Variants in KCTD8 observed in about 807,000 individuals in gnomAD.
KCTD8 encodes BTB/POZ domain-containing protein KCTD8.
Under a neutral mutation model 31.5 loss-of-function variants are expected in KCTD8, and 27 were observed. That is an observed-to-expected ratio of 0.86 (90% CI 0.63 to 1.18). KCTD8 has a LOEUF of 1.18. Among genes scored for constraint, KCTD8 ranks in the 50% most tolerant of loss-of-function variants. The pLI, the probability that KCTD8 is intolerant of heterozygous loss-of-function variation, is 0.00. For synonymous variants in KCTD8, 290 were observed against 280.0 expected (o/e 1.04, Z -0.36); for missense variants, 658 against 647.7 (o/e 1.02, Z -0.17).
At chr4:44,408,693 A>G (rs1020140651) in intron 1 of KCTD8, among the ~76,000 whole-genome samples, 3 of 152,086 alleles carry the variant, frequency 2.0e-5, no homozygotes, top group African/African-American at 7.2e-5. Flanking sequence ...ATTTCAGCAC[A>G]CTGCAACCTC....
intron 1 of KCTD8, among the ~76,000 whole-genome samples, chr4:44,335,433 C>T (rs764104467): frequency 2.0e-5 from 3 of 151,784 alleles, no homozygotes; most frequent in Non-Finnish European, 2.9e-5. Context: ...AACAAACCTC[C>T]ACATGTACTT....
At chr4:44,241,769 AG>A in intron 1 of KCTD8, among the ~76,000 whole-genome samples, 1 of 152,322 alleles carries the variant, frequency 6.6e-6, no homozygotes, top group South Asian at 2.1e-4. Context: ...CCAGATCCCT[AG>A]TAAAATGTCA....
At chr4:44,198,933 C>CT (rs1412217379) in intron 1 of KCTD8, among the ~76,000 whole-genome samples, 18 of 151,916 alleles carry the variant, frequency 1.2e-4, no homozygotes, top group African/African-American at 4.4e-4. Flanking sequence ...AATGACGACT[C>CT]TAAGTAAAGA....
rs531349632 is a variant in KCTD8 at position 44,250,185 on chromosome 4, AG to A, written c.962-74936del. 8.6e-4 allele frequency among the ~76,000 whole-genome samples: 130 copies of A among 151,904 alleles called. 1 individual carries two copies. Among genetic ancestry groups the A allele is most frequent in the Non-Finnish European group, 1.3e-3 (90 of 67,796 alleles). ...TAGGCTCTTAGAAGTGAATATTTAT[AG>A]TATGTGTATCTCCAATTTTACTGTT... On this transcript the variant is annotated intron_variant, in intron 1 of 1. Coordinates refer to ENST00000360029, the MANE Select transcript of KCTD8 (RefSeq NM_198353.3).
At chr4:44,278,202 C>T (rs1426697528) in intron 1 of KCTD8, among the ~76,000 whole-genome samples, 1 of 151,916 alleles carries the variant, frequency 6.6e-6, no homozygotes, top group African/African-American at 2.4e-5. Context: ...TAGCTGGAAA[C>T]CTTAGGAAAG....
At chr4:44,367,710 A>C (rs1577639298) in intron 1 of KCTD8, among the ~76,000 whole-genome samples, 2 of 152,288 alleles carry the variant, frequency 1.3e-5, no homozygotes, top group East Asian at 3.9e-4. Context: ...GCTGACTTTC[A>C]GTTTGATGAT....
chr4:44,435,188 G>A (rs16856931), intron 1 of KCTD8, among the ~76,000 whole-genome samples: 28,114 of 151,854 alleles, frequency 0.19, 2,776 homozygotes, highest in Non-Finnish European at 0.21. Context: ...ATTCAACTGA[G>A]ATGCTAAAAA....
intron 1 of KCTD8, among the ~76,000 whole-genome samples, chr4:44,185,939 G>GAAGTGCTGGGAGGAA (rs1297322810): frequency 6.6e-6 from 1 of 152,128 alleles, no homozygotes; most frequent in African/African-American, 2.4e-5. Flanking sequence ...GCGGGACAGG[G>GAAGTGCTGGGAGGAA]AAGTGCTGGG....
chr4:44,441,229 T>C (rs4419508), intron 1 of KCTD8, among the ~76,000 whole-genome samples: 28,125 of 127,890 alleles, frequency 0.22, 2,778 homozygotes, highest in Non-Finnish European at 0.26. Context: ...TGCAGACTCA[T>C]ACTACTACTA....
At chr4:44,409,696 G>A (rs1309535141) in intron 1 of KCTD8, among the ~76,000 whole-genome samples, 3 of 151,066 alleles carry the variant, frequency 2.0e-5, no homozygotes, top group African/African-American at 4.9e-5. Context: ...TTAAGAATCT[G>A]CAGAAAAAAA....
At chr4:44,305,493 CAA>C (rs1433633401) in intron 1 of KCTD8, among the ~76,000 whole-genome samples, 2 of 151,524 alleles carry the variant, frequency 1.3e-5, no homozygotes, top group Admixed American at 1.3e-4. Flanking sequence ...CTTTATTAAA[CAA>C]ACTCACCAGG....
rs1423522212 is a variant in KCTD8, at chr4:44,382,138, A to C, written c.961+65425T>G. Among the ~76,000 whole-genome samples, 3 of 152,010 alleles carry C rather than the reference A, an allele frequency of 2.0e-5. No homozygotes were observed. In the East Asian group the frequency reaches 5.8e-4, roughly 30 times the overall value. ...TAATATAATACTATTTGGGAACTAC[A>C]ATACCCCACTCTCCACTCTCCACAT... On this transcript the variant is annotated intron_variant, in intron 1 of 1. Coordinates refer to ENST00000360029, the MANE Select transcript of KCTD8 (RefSeq NM_198353.3).
chr4:44,384,382 A>C (rs1425152624), intron 1 of KCTD8, among the ~76,000 whole-genome samples: 2 of 151,950 alleles, frequency 1.3e-5, no homozygotes, highest in Non-Finnish European at 2.9e-5. Context: ...AATAGCCAAA[A>C]TATGGAGTCA....
At chr4:44,323,767 A>T (rs1284454556) in intron 1 of KCTD8, among the ~76,000 whole-genome samples, 1 of 152,072 alleles carries the variant, frequency 6.6e-6, no homozygotes, top group East Asian at 1.9e-4. Context: ...TCTGTTAATA[A>T]GAAATAAGTT....
chr4:44,393,869 C>G (rs1425475229), intron 1 of KCTD8, among the ~76,000 whole-genome samples: 1 of 151,432 alleles, frequency 6.6e-6, no homozygotes, highest in African/African-American at 2.4e-5. Flanking sequence ...TTTGCCATTG[C>G]ACTATATGAT....
intron 1 of KCTD8, among the ~76,000 whole-genome samples, chr4:44,278,182 G>A (rs913155266): frequency 6.6e-6 from 1 of 151,930 alleles, no homozygotes; most frequent in Admixed American, 6.6e-5. Context: ...CAAATCCACT[G>A]AAGAGGCAAT....
intron 1 of KCTD8, among the ~76,000 whole-genome samples, chr4:44,362,119 C>T (rs1057385643): frequency 2.0e-5 from 3 of 151,884 alleles, no homozygotes; most frequent in South Asian, 2.1e-4. Flanking sequence ...TAGAGGTGAA[C>T]GTACAGAAAC....
At chr4:44,444,992 T>C (rs1721905841) in intron 1 of KCTD8, among the ~76,000 whole-genome samples, 1 of 152,212 alleles carries the variant, frequency 6.6e-6, no homozygotes, top group South Asian at 2.1e-4. Flanking sequence ...ATTAAGGTTA[T>C]TTTCTGCATC....
chr4:44,199,722 T>A (rs1035462203), intron 1 of KCTD8, among the ~76,000 whole-genome samples: 1 of 151,956 alleles, frequency 6.6e-6, no homozygotes, highest in African/African-American at 2.4e-5. Context: ...AATTAATGAT[T>A]TAACATCACA....
Sources: gnomAD v4.1 joint callset for allele counts (sites outside exome capture counted in the v4.1 genomes callset) on GRCh38, gnomAD v4.1.1 for gene constraint, MANE v1.5 for transcripts, NCBI Gene and HGNC (gene_info 2026-07-23, HGNC 2026-07-21) for gene names.